CENPT: variants seen among roughly 807,000 people sequenced by gnomAD.
The protein encoded by CENPT is centromere protein T.
A neutral mutation model predicts 59.7 loss-of-function variants in CENPT; 42 were observed. The ratio of observed to expected loss-of-function variants is 0.70; its 90% CI spans 0.55 to 0.91. The LOEUF (loss-of-function observed/expected upper bound fraction) is 0.91. Ranked by LOEUF, CENPT falls within the 40% of genes least tolerant of loss-of-function variation. The probability of loss-of-function intolerance (pLI) is 0.00; values close to 1 mark genes in which losing one functional copy is unlikely to be tolerated. For missense variants in CENPT, 716 were observed against 713.4 expected (o/e 1.00, Z -0.04); for synonymous variants, 295 against 289.6 (o/e 1.02, Z -0.19).
rs1444227333 is a variant in CENPT, at chr16:67,832,649, A to T, written c.111-104T>A. ...TCTTGGTCTGGAGCCGTTTTCCCTC[A>T]GGGCTAGGGACCCAGAAACCACTTG... On this transcript the variant is annotated intron_variant, in intron 4 of 15. Coordinates refer to ENST00000562787, the MANE Select transcript of CENPT (RefSeq NM_025082.4). 6 of 1,002,348 alleles carry T rather than the reference A, an allele frequency of 6.0e-6. No individual in the cohort carries two copies. The East Asian group carries it at 1.3e-4, about 22-fold the overall frequency. The allele number at this position is 1,002,348 out of a possible 1,614,324, so 62.1% of individuals were successfully genotyped here. A position where few individuals can be genotyped will look rare whatever the true frequency, so the allele number is the denominator to read the frequency against.
chr16:67,832,277 G>C lies in CENPT; in HGVS notation c.240C>G (p.His80Gln). 1.2e-6 allele frequency: 2 copies of C among 1,614,162 alleles called. No homozygotes were observed. Among genetic ancestry groups the C allele is most frequent in the Non-Finnish European group, 1.7e-6 (2 of 1,180,008 alleles). ...GRSAHIQASG[H>Q]LEEQTPRTLL... ...GCGTCCGAGGTGTCTGTTCCTCCAA[G>C]TGCCCACTGGCCTGAATATGGGCCG... The change falls in exon 6 of 16, where the codon CAC (histidine) becomes CAG (glutamine). Residue 80 changes from histidine (H) to glutamine (Q), a missense_variant. By Grantham distance (24) the His-to-Gln change is conservative. Transcript: ENST00000562787.
At position 67,829,509 on chromosome 16, in the gene CENPT, T is replaced by C. The variant is rs1334298031; in HGVS notation, c.1194A>G (p.Pro398=). 5 of 1,595,814 alleles carry C rather than the reference T, an allele frequency of 3.1e-6. No homozygotes were observed. The African/African-American group carries it at 4.1e-5, about 13-fold the overall frequency. ...DEDASGRAAS[P]ESASSTPESL... ...ACTCAGGGGTGCTGGAGGCCGACTCTGGACTTGCTACAAAGAAGAAGGGTG... is the reference window on the plus strand; with the variant it reads ...ACTCAGGGGTGCTGGAGGCCGACTCCGGACTTGCTACAAAGAAGAAGGGTG... Residue 398 remains proline, a synonymous_variant, in exon 13 of 16, where the codon CCA becomes CCG. Coordinates refer to ENST00000562787, the MANE Select transcript of CENPT (RefSeq NM_025082.4).
chr16:67,830,141 T>A, intron 11 of CENPT, 53 bp from the exon 12 acceptor site: 1 of 1,555,292 alleles, frequency 6.4e-7, no homozygotes, highest in Non-Finnish European at 8.8e-7. Flanking sequence ...CAAGGCTGCA[T>A]AGCTCAGAGA....
intron 1 of CENPT, chr16:67,841,729 C>G (rs1352837214): frequency 1.3e-5 from 2 of 152,262 alleles, no homozygotes; most frequent in African/African-American, 4.8e-5. Flanking sequence ...CTACTGGAGA[C>G]TTTGTTTAGA....
Position 67,843,574 on chromosome 16 carries a change from C to A in CENPT, c.-492+3827G>T. 1 of 1,453,648 alleles carries A rather than the reference C, an allele frequency of 6.9e-7. No homozygotes were observed. The highest frequency in any genetic ancestry group is 9.3e-7 in the Non-Finnish European group (1 of 1,071,086). 90.0% of individuals were successfully genotyped at this position (1,453,648 alleles called of 1,614,324 possible). ...GACCGCAGGCCATTGTTGAACTCCT[C>A]TATACTCCTGGGCACTGGTTGACAG... On this transcript the variant is annotated intron_variant, in intron 1 of 15. Coordinates refer to ENST00000562787, the MANE Select transcript of CENPT (RefSeq NM_025082.4). This position sits in a 1 kb window ranked among gnomAD's most constrained non-coding sequence, Gnocchi z 5.7.
intron 14 of CENPT, 23 bp from the exon 15 acceptor site, chr16:67,828,601 G>A (rs927407557): frequency 1.9e-6 from 3 of 1,613,694 alleles, no homozygotes; most frequent in Non-Finnish European, 1.7e-6. Context: ...TGGGGATAGA[G>A]CAGGCTGAAC....
At chr16:67,829,376 G>A (rs561348188) in intron 13 of CENPT, 47 bp downstream of exon 13, 3 of 1,458,298 alleles carry the variant, frequency 2.1e-6, no homozygotes, top group African/African-American at 2.8e-5. Context: ...CATACCCAAT[G>A]CTCCCTTCCC....
rs770156866 is a variant in CENPT at position 67,833,860 on chromosome 16, C to G, written c.-1G>C. 1.3e-6 allele frequency: 2 copies of G among 1,530,752 alleles called. No homozygotes were observed. The highest frequency in any genetic ancestry group is 1.8e-6 in the Non-Finnish European group (2 of 1,141,894). The allele number at this position is 1,530,752 out of a possible 1,614,324, so 94.8% of individuals were successfully genotyped here. A position where few individuals can be genotyped will look rare whatever the true frequency, so the allele number is the denominator to read the frequency against. On this transcript the variant is annotated 5_prime_UTR_variant, in exon 4 of 16. Transcript: ENST00000562787. Reference sequence around the variant, plus strand: ...CGCTGTCAGGGTTGTGGTCAGCCATCGTCTCGGCCCCGGGCCCTCCTAACC... The same window carrying G: ...CGCTGTCAGGGTTGTGGTCAGCCATGGTCTCGGCCCCGGGCCCTCCTAACC...
At position 67,833,764 on chromosome 16, in the gene CENPT, C is replaced by G. The variant is rs1405979713; in HGVS notation, c.96G>C (p.Arg32=). ...CCCTCACATACCCAGCCCGAGCACT[C>G]CGGGGTCGCCGCGGGGTGCGCGGGT... ...TADPRTPRRP[R]SARAGARRAL... is the part of the protein sequence containing the mutation. The change falls in exon 4 of 16, where the codon CGG becomes CGC. Residue 32 remains arginine, a synonymous_variant. Transcript: ENST00000562787. 1 of 1,555,590 alleles carries G rather than the reference C, an allele frequency of 6.4e-7. No individual in the cohort carries two copies. Among genetic ancestry groups the G allele is most frequent in the Non-Finnish European group, 8.7e-7 (1 of 1,153,684 alleles).
chr16:67,829,231 G>C (rs1392171251), intron 13 of CENPT, 192 bp downstream of exon 13: 8 of 535,064 alleles, frequency 1.5e-5, no homozygotes, highest in Admixed American at 7.6e-5. Context: ...CCTCACCCAG[G>C]CTCCTCTAAG....
chr16:67,837,683 G>C (rs969751080), intron 1 of CENPT, among the ~76,000 whole-genome samples: 5 of 152,144 alleles, frequency 3.3e-5, no homozygotes, highest in African/African-American at 1.2e-4. Flanking sequence ...CTGGGCGACA[G>C]AGTGAGACTC....
In CENPT at chr16:67,829,914, TCACTCA is replaced by T. The variant is rs1041726418; in HGVS notation, c.1031_1036del (p.Val344_Ser345del). 2.5e-6 allele frequency: 4 copies of T among 1,614,138 alleles called. No homozygotes were observed. The highest frequency in any genetic ancestry group is 3.4e-6 in the Non-Finnish European group (4 of 1,180,060). The stretch of plus-strand genomic sequence containing the variant: ...TCCTTGTGCTCCTGTTGCCTCCATT[TCACTCA>T]CACTCACACCTTCTTCTTCCATCTT... On this transcript the variant is annotated inframe_deletion, in exon 12 of 16. Coordinates refer to ENST00000562787, the MANE Select transcript of CENPT (RefSeq NM_025082.4).
intron 1 of CENPT, among the ~76,000 whole-genome samples, chr16:67,838,440 GGTGAAACCTCATCT>G (rs1382815402): frequency 2.0e-5 from 3 of 151,594 alleles, no homozygotes; most frequent in African/African-American, 7.3e-5. Flanking sequence ...CGGACAACGT[GGTGAAACCTCATCT>G]TTACTAAAAA....
rs781123654 is a variant in CENPT, at chr16:67,831,582, AG to A, written c.553del (p.Leu185SerfsTer7). On this transcript the variant is annotated frameshift_variant, in exon 9 of 16. Transcript: ENST00000562787. LOFTEE classifies it high-confidence loss of function. ...GAAACACCCAGAGCAGCACCTGGTG[AG>A]GGAAGAGGCATCAGCATTCCCTTGA... is the stretch of plus-strand genomic sequence containing the variant. ...EPQGNADASSLTRSLNLTFAT... is the reference protein window; with the variant it reads ...EPQGNADASSXTRSLNLTFAT... 1 of 1,614,138 alleles carries A rather than the reference AG, an allele frequency of 6.2e-7. No homozygotes were observed. The highest frequency in any genetic ancestry group is 8.5e-7 in the Non-Finnish European group (1 of 1,180,008).
intron 4 of CENPT, among the ~76,000 whole-genome samples, chr16:67,833,130 G>A (rs988885557): frequency 6.6e-6 from 1 of 152,118 alleles, no homozygotes; most frequent in Non-Finnish European, 1.5e-5. Flanking sequence ...TCTGCACCAT[G>A]AGCTCACCAC....
At position 67,828,736 on chromosome 16, in the gene CENPT, T is replaced by C. The variant is rs373399801; in HGVS notation, c.1388A>G (p.Tyr463Cys). The part of the protein sequence containing the change: ...QDPHKAGLSH[Y>C]VKLFSFYAKM... ...GGCATAGAAGCTAAAGAGTTTCACA[T>C]AGTGGCTCAGTCCAGCCTTGTGGGG... The change falls in exon 14 of 16, where the codon TAT (tyrosine) becomes TGT (cysteine). Residue 463 changes from tyrosine (Y) to cysteine (C), a missense_variant. Coordinates refer to ENST00000562787, the MANE Select transcript of CENPT (RefSeq NM_025082.4). 29 of 1,614,046 alleles carry C rather than the reference T, an allele frequency of 1.8e-5. No individual in the cohort carries two copies. The highest frequency in any genetic ancestry group is 1.6e-4 in the Middle Eastern group (1 of 6,062).
intron 1 of CENPT, chr16:67,847,068 T>A (rs1278531045): frequency 7.2e-6 from 1 of 138,252 alleles, no homozygotes; most frequent in African/African-American, 2.8e-5. Flanking sequence ...CCGCTGAGAG[T>A]CCCCGGGCGG....
Position 67,834,095 on chromosome 16 carries a change from C to A in CENPT, c.-236G>T, listed in dbSNP as rs2057720180. ...ATGCAAGCAGCCCAAGTCTTGGCTT[C>A]TTCATCTGTAAATTGAGGTTGATAC... On this transcript the variant is annotated 5_prime_UTR_variant, in exon 4 of 16. Transcript: ENST00000562787. 2.3e-6 allele frequency: 1 copy of A among 436,782 alleles called. No individual in the cohort carries two copies. Among genetic ancestry groups the A allele is most frequent in the East Asian group, 3.6e-5 (1 of 27,518 alleles). The allele number at this position is 436,782 out of a possible 1,614,324, so 27.1% of individuals were successfully genotyped here. A position where few individuals can be genotyped will look rare whatever the true frequency, so the allele number is the denominator to read the frequency against.
Position 67,833,926 on chromosome 16 carries a change from TA to T in CENPT, c.-68del. On this transcript the variant is annotated 5_prime_UTR_variant, in exon 4 of 16. Coordinates refer to ENST00000562787, the MANE Select transcript of CENPT (RefSeq NM_025082.4). ...GGCTCCGCCTTCCCGCCGCCACAGTTAATGTAACTCTCGCGATGCTCCCGCA... is the reference window on the plus strand; with the variant it reads ...GGCTCCGCCTTCCCGCCGCCACAGTTATGTAACTCTCGCGATGCTCCCGCA... 1.9e-6 allele frequency: 2 copies of T among 1,056,258 alleles called. No homozygotes were observed. The highest frequency in any genetic ancestry group is 3.6e-5 in the South Asian group (2 of 55,516). 65.4% of individuals were successfully genotyped at this position (1,056,258 alleles called of 1,614,324 possible). A position where few individuals can be genotyped will look rare whatever the true frequency, so the allele number is the denominator to read the frequency against.
Sources: allele counts gnomAD v4.1 joint callset (sites outside exome capture counted in the v4.1 genomes callset), GRCh38; gene constraint gnomAD v4.1.1; non-coding constraint Gnocchi (gnomAD v3.1); transcripts MANE v1.5; gene names NCBI Gene and HGNC (gene_info 2026-07-23, HGNC 2026-07-21).